Variants in RANBP2 observed in about 807,000 individuals in gnomAD.
RANBP2 encodes RAN binding protein 2.
In RANBP2, 57 loss-of-function variants were observed where a neutral mutation model predicts 303.6. The observed-to-expected ratio is 0.19, with a 90% CI of 0.15 to 0.23. The LOEUF (loss-of-function observed/expected upper bound fraction) is 0.23. RANBP2 is among the 10% of genes least tolerant of loss of function. The pLI, the probability that RANBP2 is intolerant of heterozygous loss-of-function variation, is 1.00. For synonymous variants in RANBP2, 1,167 were observed against 1,301.5 expected (o/e 0.90, Z 2.23); for missense variants, 3,138 against 3,780.8 (o/e 0.83, Z 4.46).
the RANBP2 span, among the ~76,000 whole-genome samples, chr2:109,413,163 G>C: frequency 6.6e-6 from 1 of 152,184 alleles, no homozygotes; most frequent in Non-Finnish European, 1.5e-5. Context: ...CGCCCAGGCT[G>C]GAGTGCAGTG....
At chr2:108,797,641 A>G in the RANBP2 span, among the ~76,000 whole-genome samples, 117 of 152,280 alleles carry the variant, frequency 7.7e-4, no homozygotes, top group African/African-American at 2.7e-3. Flanking sequence ...GCTTAAGGCA[A>G]TATGATCCTG....
chr2:109,290,925 T>G, the RANBP2 span, among the ~76,000 whole-genome samples: 1 of 152,276 alleles, frequency 6.6e-6, no homozygotes, highest in Non-Finnish European at 1.5e-5. Context: ...TCGTTGAGAA[T>G]AGCTGCTTTT....
the RANBP2 span, among the ~76,000 whole-genome samples, chr2:109,132,647 A>G: frequency 1.4e-4 from 21 of 152,230 alleles, no homozygotes; most frequent in Non-Finnish European, 2.8e-4. Context: ...GTTGCTTCTT[A>G]AAGTGTGTTC....
the RANBP2 span, among the ~76,000 whole-genome samples, chr2:109,562,993 C>T: frequency 4.0e-5 from 6 of 151,840 alleles, no homozygotes; most frequent in Admixed American, 1.3e-4. Flanking sequence ...TCACTGTAAA[C>T]TCTGCCTCCC....
the RANBP2 span, among the ~76,000 whole-genome samples, chr2:109,516,573 G>C: frequency 6.6e-6 from 1 of 152,150 alleles, no homozygotes; most frequent in Non-Finnish European, 1.5e-5. Flanking sequence ...CCACTGGAGG[G>C]CGTGCTGGTC....
chr2:108,983,870 T>C, the RANBP2 span, among the ~76,000 whole-genome samples: 1 of 152,128 alleles, frequency 6.6e-6, no homozygotes, highest in East Asian at 1.9e-4. Context: ...AGCCACTGCG[T>C]CCCCACTCCA....
At chr2:108,911,807 G>A in the RANBP2 span, among the ~76,000 whole-genome samples, 3 of 152,238 alleles carry the variant, frequency 2.0e-5, no homozygotes, top group East Asian at 5.8e-4. Context: ...ATCATCTCGG[G>A]GGAGGTAGTG....
chr2:109,684,798 G>A, the RANBP2 span, among the ~76,000 whole-genome samples: 1 of 151,738 alleles, frequency 6.6e-6, no homozygotes, highest in African/African-American at 2.4e-5. Flanking sequence ...GCCTCCCTAA[G>A]TGCTGGGATT....
At chr2:109,132,685 T>C in the RANBP2 span, among the ~76,000 whole-genome samples, 1 of 152,266 alleles carries the variant, frequency 6.6e-6, no homozygotes, top group African/African-American at 2.4e-5. Flanking sequence ...AAGTGACCTT[T>C]AAACAGTCCT....
chr2:109,335,405 A>T, the RANBP2 span, among the ~76,000 whole-genome samples: 7 of 151,824 alleles, frequency 4.6e-5, no homozygotes, highest in Non-Finnish European at 2.9e-5. Flanking sequence ...CACAGCCCCT[A>T]CCCTGGGAAG....
the RANBP2 span, among the ~76,000 whole-genome samples, chr2:108,998,141 AGC>A: frequency 6.6e-6 from 1 of 152,226 alleles, no homozygotes; most frequent in African/African-American, 2.4e-5. Flanking sequence ...TAATTGCTAA[AGC>A]CAGTAGATAC....
the RANBP2 span, among the ~76,000 whole-genome samples, chr2:109,478,510 T>A: frequency 1.6e-4 from 24 of 152,258 alleles, no homozygotes; most frequent in Non-Finnish European, 2.8e-4. Flanking sequence ...CATGAAAATG[T>A]ACTGAGGTTC....
the RANBP2 span, among the ~76,000 whole-genome samples, chr2:108,956,796 G>GT: frequency 4.5e-4 from 66 of 146,594 alleles, 1 homozygote; most frequent in African/African-American, 1.1e-3. Context: ...TTTTTTTTTT[G>GT]TTTTTTTTGA....
the RANBP2 span, among the ~76,000 whole-genome samples, chr2:109,264,899 C>T: frequency 6.6e-6 from 1 of 152,242 alleles, no homozygotes; most frequent in Non-Finnish European, 1.5e-5. Context: ...CCAGACATCT[C>T]AGTCTGCCTT....
the RANBP2 span, among the ~76,000 whole-genome samples, chr2:109,302,457 G>A: frequency 6.6e-6 from 1 of 152,228 alleles, no homozygotes; most frequent in Non-Finnish European, 1.5e-5. Flanking sequence ...GAATAACCAG[G>A]CACAACATGT....
chr2:108,932,769 T>C, the RANBP2 span, among the ~76,000 whole-genome samples: 1 of 152,156 alleles, frequency 6.6e-6, no homozygotes, highest in African/African-American at 2.4e-5. Flanking sequence ...CAAGTACATA[T>C]GTGTTTTTAA....
the RANBP2 span, among the ~76,000 whole-genome samples, chr2:109,632,734 G>A: frequency 7.2e-5 from 11 of 151,820 alleles, no homozygotes; most frequent in South Asian, 1.9e-3. Context: ...CAGGAGAATC[G>A]CTTGAACCCA....
the RANBP2 span, among the ~76,000 whole-genome samples, chr2:109,120,493 C>T: frequency 6.6e-6 from 1 of 152,180 alleles, no homozygotes; most frequent in East Asian, 1.9e-4. Context: ...TTCCCATGAC[C>T]GCCCTCCACC....
At chr2:109,661,392 G>T in the RANBP2 span, among the ~76,000 whole-genome samples, 115 of 152,080 alleles carry the variant, frequency 7.6e-4, 3 homozygotes, top group South Asian at 0.024. Flanking sequence ...GATTACAGGC[G>T]CTTGCCACCA....
Sources: allele counts gnomAD v4.1 joint callset (sites outside exome capture counted in the v4.1 genomes callset), GRCh38; gene constraint gnomAD v4.1.1; transcripts MANE v1.5; gene names NCBI Gene and HGNC (gene_info 2026-07-23, HGNC 2026-07-21).